Variants in CASD1 observed in about 807,000 individuals in gnomAD.
The protein encoded by CASD1 is CAS1 domain sialic acid O acetyltransferase 1, also known as N-acetylneuraminate (7)9-O-acetyltransferase.
Under a neutral mutation model 100.0 loss-of-function variants are expected in CASD1, and 41 were observed. The observed-to-expected ratio is 0.41, with a 90% CI of 0.32 to 0.53. The LOEUF (loss-of-function observed/expected upper bound fraction) is 0.53. Ranked by LOEUF, CASD1 falls within the 20% of genes least tolerant of loss-of-function variation. CASD1 has a pLI of 0.25. For missense variants in CASD1, 774 were observed against 948.7 expected (o/e 0.82, Z 2.42); for synonymous variants, 321 against 315.6 (o/e 1.02, Z -0.18).
chr7:94,549,485 A>G (rs377284679), intron 13 of CASD1, 48 bp from the exon 14 acceptor site: 358 of 1,334,088 alleles, frequency 2.7e-4, no homozygotes, highest in Non-Finnish European at 3.5e-4. Flanking sequence ...TGCAAAGCAA[A>G]TATTGACTTG....
the CASD1 span, among the ~76,000 whole-genome samples, chr7:94,607,733 T>C: frequency 6.6e-6 from 1 of 152,226 alleles, no homozygotes; most frequent in Non-Finnish European, 1.5e-5. Flanking sequence ...TTAAGAATGT[T>C]GCCTCTCATC....
At chr7:94,613,697 TA>T in the CASD1 span, among the ~76,000 whole-genome samples, 1 of 152,178 alleles carries the variant, frequency 6.6e-6, no homozygotes, top group Non-Finnish European at 1.5e-5. Context: ...AATAGCCAAA[TA>T]TATGGATCCA....
the CASD1 span, among the ~76,000 whole-genome samples, chr7:94,575,458 A>G: frequency 1.3e-5 from 2 of 152,070 alleles, no homozygotes; most frequent in Non-Finnish European, 2.9e-5. Flanking sequence ...GGATTGTTGT[A>G]TGTTCAATTA....
chr7:94,616,306 T>C, the CASD1 span, among the ~76,000 whole-genome samples: 1 of 152,068 alleles, frequency 6.6e-6, no homozygotes, highest in Non-Finnish European at 1.5e-5. Flanking sequence ...TTATTACTTG[T>C]GGCTGACATG....
downstream of CASD1, among the ~76,000 whole-genome samples, chr7:94,561,840 G>A (rs1796344297): frequency 6.6e-6 from 1 of 152,020 alleles, no homozygotes; most frequent in Admixed American, 6.6e-5. Context: ...GGAATGTTAG[G>A]GATTTGCTTT....
At chr7:94,563,907 G>T in the CASD1 span, among the ~76,000 whole-genome samples, 2 of 152,060 alleles carry the variant, frequency 1.3e-5, no homozygotes, top group East Asian at 3.9e-4. Flanking sequence ...TACTTAAGTG[G>T]CAAGACTACT....
chr7:94,604,859 A>G, the CASD1 span, among the ~76,000 whole-genome samples: 12 of 109,606 alleles, frequency 1.1e-4, no homozygotes, highest in African/African-American at 4.4e-4. Context: ...ATATATATAT[A>G]ATAGTTGTTA....
the CASD1 span, chr7:94,620,400 TAG>T: frequency 4.2e-3 from 638 of 152,310 alleles, 3 homozygotes; most frequent in African/African-American, 0.014. Context: ...CCTTAATGTA[TAG>T]CCCATCTGCA....
chr7:94,559,276 C>CTGTGTGTGTGTGTGTG (rs377655712), downstream of CASD1, among the ~76,000 whole-genome samples: 368 of 137,580 alleles, frequency 2.7e-3, 3 homozygotes, highest in African/African-American at 9.0e-3. Flanking sequence ...GTATATATGT[C>CTGTGTGTGTGTGTGTG]TGTGTGTGTG....
intron 16 of CASD1, among the ~76,000 whole-genome samples, chr7:94,553,315 A>G (rs891803867): frequency 1.3e-5 from 2 of 152,180 alleles, no homozygotes; most frequent in Non-Finnish European, 2.9e-5. Context: ...GACCCACAAG[A>G]TTAAGTGCCT....
chr7:94,602,606 G>GAA, the CASD1 span, among the ~76,000 whole-genome samples: 1 of 151,278 alleles, frequency 6.6e-6, no homozygotes, highest in Non-Finnish European at 1.5e-5. Flanking sequence ...ACAAAGAATT[G>GAA]AAACAACTCT....
chr7:94,566,814 A>G, the CASD1 span, among the ~76,000 whole-genome samples: 2 of 152,110 alleles, frequency 1.3e-5, no homozygotes, highest in Admixed American at 6.6e-5. Context: ...TGGGCCCTCA[A>G]TTGACCATTT....
chr7:94,533,854 G>T, intron 7 of CASD1, 52 bp downstream of exon 7: 2 of 1,427,344 alleles, frequency 1.4e-6, no homozygotes, highest in South Asian at 1.7e-5. Flanking sequence ...TTGAAGCATG[G>T]GTTTTTATTA....
the CASD1 span, among the ~76,000 whole-genome samples, chr7:94,614,107 CAAAA>C: frequency 1.2e-4 from 11 of 94,934 alleles, no homozygotes; most frequent in East Asian, 1.6e-3. Flanking sequence ...AAATTGAAAT[CAAAA>C]AAAAAAAAAA....
chr7:94,549,941 A>AT (rs1192648345), intron 14 of CASD1, among the ~76,000 whole-genome samples: 1 of 152,090 alleles, frequency 6.6e-6, no homozygotes, highest in African/African-American at 2.4e-5. Flanking sequence ...ATTCAAAACA[A>AT]TATTTATTGA....
At chr7:94,571,084 C>A in the CASD1 span, among the ~76,000 whole-genome samples, 1 of 149,582 alleles carries the variant, frequency 6.7e-6, no homozygotes, top group Non-Finnish European at 1.5e-5. Context: ...CACTGTGTCA[C>A]CAAGGCTGGA....
the CASD1 span, chr7:94,586,900 A>AT: frequency 1.0e-6 from 1 of 984,722 alleles, no homozygotes; most frequent in African/African-American, 1.7e-5. Context: ...GGCACTTAAG[A>AT]TATTTTGGGG....
the CASD1 span, among the ~76,000 whole-genome samples, chr7:94,577,273 G>A: frequency 6.6e-6 from 1 of 152,030 alleles, no homozygotes; most frequent in African/African-American, 2.4e-5. Flanking sequence ...TGGTGGTCCT[G>A]GAAATCAGAT....
chr7:94,586,770 G>A, the CASD1 span: 5 of 924,466 alleles, frequency 5.4e-6, no homozygotes, highest in Non-Finnish European at 6.5e-6. Context: ...CCAAAGTGCT[G>A]GGATTACAGG....
Sources: allele counts gnomAD v4.1 joint callset (sites outside exome capture counted in the v4.1 genomes callset), GRCh38; gene constraint gnomAD v4.1.1; transcripts MANE v1.5; gene names NCBI Gene and HGNC (gene_info 2026-07-23, HGNC 2026-07-21).